Variants in BRI3BP observed in about 807,000 individuals in gnomAD.
BRI3BP encodes the protein BRI3-binding protein.
A neutral mutation model predicts 15.8 loss-of-function variants in BRI3BP; 7 were observed. The observed-to-expected ratio is 0.44, with a 90% CI of 0.25 to 0.83. BRI3BP has a LOEUF of 0.83. BRI3BP is among the 40% of genes least tolerant of loss of function. The pLI is 0.20. For missense variants in BRI3BP, 320 were observed against 339.3 expected (o/e 0.94, Z 0.45); for synonymous variants, 192 against 163.5 (o/e 1.17, Z -1.33).
chr12:125,014,896 A>G (rs1163790348), intron 2 of BRI3BP, among the ~76,000 whole-genome samples: 1 of 152,174 alleles, frequency 6.6e-6, no homozygotes, highest in Non-Finnish European at 1.5e-5. Context: ...CCTCCCGAGT[A>G]GCTGGGACCA....
At chr12:125,045,933 G>A in the BRI3BP span, among the ~76,000 whole-genome samples, 1 of 152,136 alleles carries the variant, frequency 6.6e-6, no homozygotes, top group African/African-American at 2.4e-5. Flanking sequence ...GGGAGGCTGA[G>A]GTGGGCAGAT....
At chr12:125,010,182 C>T (rs943045030) in intron 1 of BRI3BP, among the ~76,000 whole-genome samples, 3 of 152,026 alleles carry the variant, frequency 2.0e-5, no homozygotes, top group Admixed American at 6.6e-5. Context: ...AAGCATTTCA[C>T]GTGAATATCC....
At chr12:124,994,127 G>C (rs1455872534) in intron 1 of BRI3BP, 124 bp downstream of exon 1, 2 of 638,024 alleles carry the variant, frequency 3.1e-6, no homozygotes, top group South Asian at 7.4e-5. Flanking sequence ...GGGAAGAGGG[G>C]GTCCGGCCTG....
the BRI3BP span, among the ~76,000 whole-genome samples, chr12:125,048,916 C>G: frequency 6.6e-6 from 1 of 151,968 alleles, no homozygotes; most frequent in Non-Finnish European, 1.5e-5. Flanking sequence ...CCCCTGCCAC[C>G]GGCCACAAGG....
downstream of BRI3BP, among the ~76,000 whole-genome samples, chr12:125,033,048 C>T (rs920778826): frequency 2.0e-5 from 3 of 152,146 alleles, no homozygotes; most frequent in Non-Finnish European, 4.4e-5. Context: ...GAGCAGCTGG[C>T]GGCATTGCTA....
At chr12:125,000,308 A>T (rs12314932) in intron 1 of BRI3BP, among the ~76,000 whole-genome samples, 8,142 of 92,366 alleles carry the variant, frequency 0.088, 401 homozygotes, top group Admixed American at 0.22. Context: ...GTTTCATATG[A>T]TTTTTTTTTT....
At chr12:125,049,016 T>A in the BRI3BP span, among the ~76,000 whole-genome samples, 1 of 152,152 alleles carries the variant, frequency 6.6e-6, no homozygotes, top group Non-Finnish European at 1.5e-5. Flanking sequence ...TGGAGTGCAA[T>A]GGCGCGATCT....
chr12:125,024,494 C>T (rs1032701155), intron 2 of BRI3BP, among the ~76,000 whole-genome samples: 2 of 152,094 alleles, frequency 1.3e-5, no homozygotes, highest in South Asian at 2.1e-4. Context: ...CTCAACATGG[C>T]AGGTCGTCTT....
At chr12:125,034,124 G>A (rs1323351116), downstream of BRI3BP, among the ~76,000 whole-genome samples, 4 of 151,756 alleles carry the variant, frequency 2.6e-5, no homozygotes, top group Admixed American at 2.6e-4. Flanking sequence ...TCAGCTCACC[G>A]CAACCTCCGC....
chr12:124,998,600 G>A lies in BRI3BP; in HGVS notation c.213+4597G>A, dbSNP rs551188998. On this transcript the variant is annotated intron_variant, in intron 1 of 2. Coordinates refer to ENST00000341446, the MANE Select transcript of BRI3BP (RefSeq NM_080626.6). ...GAAAGCAGATGGGTGGTTGCCAGGG[G>A]CTGGGGGAGGGAGCAATGGGGGAAT... Among the ~76,000 whole-genome samples, 13 of 152,250 alleles carry A rather than the reference G, an allele frequency of 8.5e-5. No homozygotes were observed. In the South Asian group the frequency reaches 2.7e-3, roughly 32 times the overall value.
intron 2 of BRI3BP, among the ~76,000 whole-genome samples, chr12:125,019,271 C>T (rs80254843): frequency 0.016 from 2,375 of 152,180 alleles, 82 homozygotes; most frequent in East Asian, 0.13. Flanking sequence ...TTCAGGGCCT[C>T]GGAGTGACGT....
chr12:125,033,739 G>GTT (rs530776012), downstream of BRI3BP, among the ~76,000 whole-genome samples: 79 of 133,002 alleles, frequency 5.9e-4, no homozygotes, highest in African/African-American at 2.3e-3. Flanking sequence ...TGTTTTTCTG[G>GTT]TTTTTTTTTG....
At position 125,000,284 on chromosome 12, in the gene BRI3BP, A is replaced by G. The variant is rs371735214; in HGVS notation, c.213+6281A>G. On this transcript the variant is annotated intron_variant, in intron 1 of 2. Transcript: ENST00000341446. ...ACATACACACTTGTGAAAAATTACC[A>G]CAGTTAAGATAAAGTTTCATATGAT... Among the ~76,000 whole-genome samples, 41 of 147,084 alleles carry G rather than the reference A, an allele frequency of 2.8e-4. No homozygotes were observed. In the East Asian group the frequency reaches 7.2e-3, roughly 26 times the overall value.
chr12:125,038,586 A>G, the BRI3BP span, among the ~76,000 whole-genome samples: 2 of 150,672 alleles, frequency 1.3e-5, no homozygotes, highest in Non-Finnish European at 3.0e-5. Flanking sequence ...AGCAACATGG[A>G]GAAACCCCGT....
rs1955397668 is a variant in BRI3BP, at chr12:125,030,419, T to C, written c.*4989T>C. On this transcript the variant is annotated 3_prime_UTR_variant, in exon 3 of 3. Transcript: ENST00000341446. Reference sequence around the variant, plus strand: ...GGAATATATTTTGCAGAATCTAACATAATACCCTTAAAATTCATACTGGAC... The same window carrying C: ...GGAATATATTTTGCAGAATCTAACACAATACCCTTAAAATTCATACTGGAC... 1 of 152,248 alleles carries C rather than the reference T, an allele frequency of 6.6e-6. No homozygotes were observed. The allele number at this position is 152,248 out of a possible 1,614,324, so 9.4% of individuals were successfully genotyped here.
chr12:125,000,754 C>T (rs1955084138), intron 1 of BRI3BP, among the ~76,000 whole-genome samples: 4 of 152,308 alleles, frequency 2.6e-5, no homozygotes, highest in South Asian at 2.1e-4. Context: ...CAAACACATC[C>T]GATAGACACA....
At chr12:125,040,648 GTA>G in the BRI3BP span, among the ~76,000 whole-genome samples, 1 of 151,432 alleles carries the variant, frequency 6.6e-6, no homozygotes, top group East Asian at 2.0e-4. Context: ...CCACCTCAAA[GTA>G]TAGTTATTTT....
In BRI3BP at chr12:125,025,049, G is replaced by A. The variant is rs148877847; in HGVS notation, c.375G>A (p.Ala125=). 326 of 1,613,348 alleles carry A rather than the reference G, an allele frequency of 2.0e-4. No homozygotes were observed. Among genetic ancestry groups the A allele is most frequent in the African/African-American group, 9.7e-4 (73 of 75,020 alleles). ...CGGTGTCCAGCAGCCCGGCCCGCGC[G>A]CTCCTGCTGGTCGGCGTCGTCCTCC... is the stretch of plus-strand genomic sequence containing the variant. ...PASVSSSPAR[A]LLLVGVVLLA... Residue 125 remains alanine, a synonymous_variant, in exon 3 of 3, where the codon GCG becomes GCA. Coordinates refer to ENST00000341446, the MANE Select transcript of BRI3BP (RefSeq NM_080626.6).
the BRI3BP span, among the ~76,000 whole-genome samples, chr12:125,042,147 G>GT: frequency 5.9e-5 from 9 of 152,132 alleles, no homozygotes; most frequent in African/African-American, 1.9e-4. Flanking sequence ...GGTAAATTTG[G>GT]TTTTTTAAAA....
Sources: allele counts gnomAD v4.1 joint callset (sites outside exome capture counted in the v4.1 genomes callset), GRCh38; gene constraint gnomAD v4.1.1; transcripts MANE v1.5; gene names NCBI Gene and HGNC (gene_info 2026-07-23, HGNC 2026-07-21).